Variants in CHML observed in about 807,000 individuals in gnomAD.
The protein encoded by CHML is rab proteins geranylgeranyltransferase component A 2.
A neutral mutation model predicts 30.4 loss-of-function variants in CHML; 20 were observed. The ratio of observed to expected loss-of-function variants is 0.66; its 90% confidence interval spans 0.46 to 0.95. CHML has a LOEUF of 0.95. Ranked by LOEUF, CHML falls within the 40% of genes least tolerant of loss-of-function variation. CHML has a pLI of 0.00. For synonymous variants in CHML, 281 were observed against 275.0 expected (o/e 1.02, Z -0.22); for missense variants, 795 against 768.5 (o/e 1.03, Z -0.41).
Position 241,640,270 on chromosome 1 carries a change from C to G in CHML, c.-696G>C, listed in dbSNP as rs1333398132. 5.7e-5 allele frequency: 68 copies of G among 1,184,768 alleles called. No homozygotes were observed. The highest frequency in any genetic ancestry group is 6.7e-4 in the Middle Eastern group (2 of 2,974). 73.4% of individuals were successfully genotyped at this position (1,184,768 alleles called of 1,614,324 possible). On this transcript the variant is annotated 5_prime_UTR_variant, in exon 1 of 2. Transcript: ENST00000366553. ...CCGAGTACATGGCCCGGCGCCGGCG[C>G]GCCTGGCGGGCGGAGGCGCTCAGCT...
At chr1:241,639,663 G>A (rs954797016) in intron 1 of CHML, among the ~76,000 whole-genome samples, 7 of 151,782 alleles carry the variant, frequency 4.6e-5, no homozygotes, top group Non-Finnish European at 1.0e-4. Flanking sequence ...GGACAGCGTG[G>A]GGCGGGAGGG....
rs1664626944 is a variant in CHML, at chr1:241,631,383, C to T, written c.*2413G>A. The T allele has an allele frequency of 6.6e-6, 1 of 151,906 alleles. No individual in the cohort carries two copies. Among genetic ancestry groups the T allele is most frequent in the South Asian group, 2.1e-4 (1 of 4,822 alleles). 9.4% of individuals were successfully genotyped at this position (151,906 alleles called of 1,614,324 possible). ...TTCGGTAGATCTGGAATACCTTCACCTTCATTTTATTTATCATCTTATGTA... is the reference window on the plus strand; with the variant it reads ...TTCGGTAGATCTGGAATACCTTCACTTTCATTTTATTTATCATCTTATGTA... On this transcript the variant is annotated 3_prime_UTR_variant, in exon 2 of 2. Transcript: ENST00000366553.
chr1:241,639,087 T>TCCATAATAAGAGTACTGTCGAA, intron 1 of CHML: 1 of 152,210 alleles, frequency 6.6e-6, no homozygotes, highest in Non-Finnish European at 1.5e-5. Flanking sequence ...ACTTAAATCT[T>TCCATAATAAGAGTACTGTCGAA]CCATAATAAG....
Position 241,635,652 on chromosome 1 carries a change from A to G in CHML, c.115T>C (p.Ser39Pro). The G allele has an allele frequency of 6.2e-7, 1 of 1,614,084 alleles. No homozygotes were observed. The highest frequency in any genetic ancestry group is 8.5e-7 in the Non-Finnish European group (1 of 1,179,924). ...CAGTTTCCTCCATAGTAGCTTCTTG[A>G]ATCAATATGCAGAACCCTCTGACCA... ...RSGQRVLHIDSRSYYGGNWAS... is the reference protein window; with the variant it reads ...RSGQRVLHIDPRSYYGGNWAS... The change falls in exon 2 of 2, where the codon TCA (serine) becomes CCA (proline). Residue 39 changes from serine (S) to proline (P), a missense_variant. Ser to Pro is a moderately conservative substitution (Grantham distance 74, BLOSUM62 -1). Transcript: ENST00000366553.
chr1:241,636,186 C>T, intron 1 of CHML, 113 bp from the exon 2 acceptor site: 1 of 400,356 alleles, frequency 2.5e-6, no homozygotes, highest in Non-Finnish European at 4.4e-6. Flanking sequence ...ACATAAACCT[C>T]TACTAAAGCA....
Position 241,635,343 on chromosome 1 carries a change from C to A in CHML, c.424G>T (p.Glu142Ter). 1 of 1,614,022 alleles carries A rather than the reference C, an allele frequency of 6.2e-7. No homozygotes were observed. The highest frequency in any genetic ancestry group is 8.5e-7 in the Non-Finnish European group (1 of 1,179,928). Residue 142 changes from glutamate to a stop codon, truncating the protein, a stop_gained, in exon 2 of 2, where the codon GAA (glutamate) becomes TAA (stop). Transcript: ENST00000366553. LOFTEE classifies it high-confidence loss of function. Reference protein sequence around the residue: ...TEVLDSALPEESQLSYFNSDE... With the variant: ...TEVLDSALPE ...CTATTAAAATACGATAACTGGCTTT[C>A]TTCAGGTAATGCAGAATCCAGAACT... is the stretch of plus-strand genomic sequence containing the variant.
At position 241,634,826 on chromosome 1, in the gene CHML, T is replaced by C. The variant is rs202209165; in HGVS notation, c.941A>G (p.Tyr314Cys). 3.7e-6 allele frequency: 6 copies of C among 1,613,260 alleles called. No individual in the cohort carries two copies. The East Asian group carries it at 1.1e-4, about 30-fold the overall frequency. ...CLEYEQHPDE[Y>C]QAFRQCSFSE... is the part of the protein sequence containing the mutation. The stretch of plus-strand genomic sequence containing the variant: ...AAATGAACACTGCCTGAAAGCTTGG[T>C]ATTCATCAGGATGTTGTTCATACTC... The change falls in exon 2 of 2, where the codon TAC becomes TGC. Residue 314 changes from tyrosine to cysteine, a missense_variant. Physicochemically the swap from Tyr to Cys is radical, Grantham distance 194. Transcript: ENST00000366553.
rs916095509 is a variant in CHML, at chr1:241,631,360, C to T, written c.*2436G>A. The T allele has an allele frequency of 5.3e-5, 8 of 151,908 alleles. No individual in the cohort carries two copies. Among genetic ancestry groups the T allele is most frequent in the Admixed American group, 1.3e-4 (2 of 15,230 alleles). The allele number at this position is 151,908 out of a possible 1,614,324, so 9.4% of individuals were successfully genotyped here. On this transcript the variant is annotated 3_prime_UTR_variant, in exon 2 of 2. Transcript: ENST00000366553. Reference sequence around the variant, plus strand: ...TAATCTGTGATACTGAAAATCTTTTCGGTAGATCTGGAATACCTTCACCTT... The same window carrying T: ...TAATCTGTGATACTGAAAATCTTTTTGGTAGATCTGGAATACCTTCACCTT...
rs532153671 is a variant in CHML at position 241,633,695 on chromosome 1, T to C, written c.*101A>G. 1 of 1,233,310 alleles carries C rather than the reference T, an allele frequency of 8.1e-7. No homozygotes were observed. The highest frequency in any genetic ancestry group is 1.4e-5 in the South Asian group (1 of 72,080). The allele number at this position is 1,233,310 out of a possible 1,614,324, so 76.4% of individuals were successfully genotyped here. A position where few individuals can be genotyped will look rare whatever the true frequency, so the allele number is the denominator to read the frequency against. ...CAACATCTGCATAGCATTCATCATA[T>C]ATAACCACTTCTAATTACTCATATG... On this transcript the variant is annotated 3_prime_UTR_variant, in exon 2 of 2. Coordinates refer to ENST00000366553, the MANE Select transcript of CHML (RefSeq NM_001381853.1).
In CHML at chr1:241,635,645, C is replaced by T. The variant is rs1055935839; in HGVS notation, c.122G>A (p.Ser41Asn). 3 of 1,613,956 alleles carry T rather than the reference C, an allele frequency of 1.9e-6. No individual in the cohort carries two copies. Among genetic ancestry groups the T allele is most frequent in the Non-Finnish European group, 2.5e-6 (3 of 1,179,940 alleles). ...ACTAGCCCAGTTTCCTCCATAGTAG[C>T]TTCTTGAATCAATATGCAGAACCCT... ...GQRVLHIDSRSYYGGNWASFS... is the reference protein window; with the variant it reads ...GQRVLHIDSRNYYGGNWASFS... The change falls in exon 2 of 2, where the codon AGC (serine) becomes AAC (asparagine). Residue 41 changes from serine (S) to asparagine (N), a missense_variant. Ser to Asn is a conservative substitution (Grantham distance 46). Coordinates refer to ENST00000366553, the MANE Select transcript of CHML (RefSeq NM_001381853.1).
In CHML at chr1:241,629,042, A is replaced by G. The variant is rs1399280304; in HGVS notation, c.*4754T>C. The G allele has an allele frequency of 1.3e-5, 2 of 152,546 alleles. No individual in the cohort carries two copies. The highest frequency in any genetic ancestry group is 4.8e-5 in the African/African-American group (2 of 41,404). The allele number at this position is 152,546 out of a possible 1,614,324, so 9.4% of individuals were successfully genotyped here. A position where few individuals can be genotyped will look rare whatever the true frequency, so the allele number is the denominator to read the frequency against. ...GTTCTTATTAACATTTTTGAATCTC[A>G]CTTTTTTGCATACAATTTGACATAT... is the stretch of plus-strand genomic sequence containing the variant. On this transcript the variant is annotated 3_prime_UTR_variant, in exon 2 of 2. Coordinates refer to ENST00000366553, the MANE Select transcript of CHML (RefSeq NM_001381853.1).
Position 241,631,051 on chromosome 1 carries a change from G to A in CHML, c.*2745C>T, listed in dbSNP as rs1173763959. The stretch of plus-strand genomic sequence containing the variant: ...AAGCATACTGTCCTTCATGATACAT[G>A]GATAGACATTATTTAAACATTTGAA... On this transcript the variant is annotated 3_prime_UTR_variant, in exon 2 of 2. Transcript: ENST00000366553. 5 of 151,854 alleles carry A rather than the reference G, an allele frequency of 3.3e-5. No individual in the cohort carries two copies. Among genetic ancestry groups the A allele is most frequent in the Non-Finnish European group, 7.4e-5 (5 of 67,956 alleles). 9.4% of individuals were successfully genotyped at this position (151,854 alleles called of 1,614,324 possible). A position where few individuals can be genotyped will look rare whatever the true frequency, so the allele number is the denominator to read the frequency against.
Position 241,633,650 on chromosome 1 carries a change from G to T in CHML, c.*146C>A. ...TAGGTTAACAAAGATATTCAATGCT[G>T]AATGTCTGAGAGTTAAAGACAACAT... On this transcript the variant is annotated 3_prime_UTR_variant, in exon 2 of 2. Transcript: ENST00000366553. 1.3e-6 allele frequency: 1 copy of T among 789,820 alleles called. No homozygotes were observed. The allele number at this position is 789,820 out of a possible 1,614,324, so 48.9% of individuals were successfully genotyped here.
Position 241,633,981 on chromosome 1 carries a change from G to A in CHML, c.1786C>T (p.Leu596Phe). 1 of 1,613,966 alleles carries A rather than the reference G, an allele frequency of 6.2e-7. No individual in the cohort carries two copies. Residue 596 changes from leucine to phenylalanine, a missense_variant, in exon 2 of 2, where the codon CTT (leucine) becomes TTT (phenylalanine). Transcript: ENST00000366553. ...NEHAVKQAET[L>F]FQEIFPTEEF... ...TCAGTTGGAAAGATCTCCTGGAAAA[G>A]TGTTTCAGCTTGCTTGACAGCATGC...
At chr1:241,638,560 T>C (rs567065473) in intron 1 of CHML, among the ~76,000 whole-genome samples, 1 of 152,320 alleles carries the variant, frequency 6.6e-6, no homozygotes, top group African/African-American at 2.4e-5. Context: ...AGAAACTGCC[T>C]GATAGGTATT....
At position 241,636,050 on chromosome 1, in the gene CHML, T is replaced by A. The variant is rs1020412961; in HGVS notation, c.-284A>T. On this transcript the variant is annotated 5_prime_UTR_variant, in exon 2 of 2. Coordinates refer to ENST00000366553, the MANE Select transcript of CHML (RefSeq NM_001381853.1). ...AGTAAATGTCAAAATGCATCATATATGCATTTGTGACTGGAACTCTTCTCT... is the reference window on the plus strand; with the variant it reads ...AGTAAATGTCAAAATGCATCATATAAGCATTTGTGACTGGAACTCTTCTCT... 2 of 462,568 alleles carry A rather than the reference T, an allele frequency of 4.3e-6. No individual in the cohort carries two copies. The highest frequency in any genetic ancestry group is 4.0e-5 in the African/African-American group (2 of 49,402). 28.7% of individuals were successfully genotyped at this position (462,568 alleles called of 1,614,324 possible). A position where few individuals can be genotyped will look rare whatever the true frequency, so the allele number is the denominator to read the frequency against.
rs1664752240 is a variant in CHML, at chr1:241,633,876, T to G, written c.1891A>C (p.Asn631His). Residue 631 changes from asparagine to histidine, a missense_variant, in exon 2 of 2, where the codon AAT becomes CAT. Transcript: ENST00000366553. ...TCTAGTTTGGCCATTACTACATTAT[T>G]GGTTCCAGGAGCCTCTGGCTGCTTA... ...DDKQPEAPGT[N>H]NVVMAKLESS... The G allele has an allele frequency of 6.2e-7, 1 of 1,613,896 alleles. No homozygotes were observed. The highest frequency in any genetic ancestry group is 1.3e-5 in the African/African-American group (1 of 75,034).
intron 1 of CHML, among the ~76,000 whole-genome samples, 159 bp from the exon 2 acceptor site, chr1:241,636,232 T>C (rs1304396768): frequency 1.3e-5 from 2 of 152,198 alleles, no homozygotes; most frequent in African/African-American, 4.8e-5. Flanking sequence ...TTCTAATTTC[T>C]TGAGAATGGA....
Position 241,634,031 on chromosome 1 carries a change from C to A in CHML, c.1736G>T (p.Gly579Val), listed in dbSNP as rs766030729. The stretch of plus-strand genomic sequence containing the variant: ...CTCATTTCCCAGGCCACAGTCAGGC[C>A]CAGAGCAGACATAAACATTGGAAGG... Reference protein sequence around the residue: ...GLPSNVYVCSGPDCGLGNEHA... With the variant: ...GLPSNVYVCSVPDCGLGNEHA... The change falls in exon 2 of 2, where the codon GGG becomes GTG. Residue 579 changes from glycine to valine, a missense_variant. Physicochemically the swap from Gly to Val is moderately radical, Grantham distance 109. Coordinates refer to ENST00000366553, the MANE Select transcript of CHML (RefSeq NM_001381853.1). 1 of 1,613,642 alleles carries A rather than the reference C, an allele frequency of 6.2e-7. No individual in the cohort carries two copies. Among genetic ancestry groups the A allele is most frequent in the Non-Finnish European group, 8.5e-7 (1 of 1,179,824 alleles).
Sources: gnomAD v4.1 joint callset for allele counts (sites outside exome capture counted in the v4.1 genomes callset) on GRCh38, gnomAD v4.1.1 for gene constraint, MANE v1.5 for transcripts, NCBI Gene and HGNC (gene_info 2026-07-23, HGNC 2026-07-21) for gene names.